The following MAP3K15 variants were observed in gnomAD, a reference collection of about 807,000 sequenced individuals.
MAP3K15 encodes mitogen-activated protein kinase kinase kinase 15, also known as MAPK/ERK kinase kinase 15.
A neutral mutation model predicts 99.5 loss-of-function variants in MAP3K15; 124 were observed. The observed-to-expected ratio is 1.25, with a 90% CI of 1.08 to 1.45. The LOEUF (loss-of-function observed/expected upper bound fraction) is 1.45. Among genes scored for constraint, MAP3K15 ranks in the 40% most tolerant of loss-of-function variants. The pLI, the probability that MAP3K15 is intolerant of heterozygous loss-of-function variation, is 0.00. For synonymous variants in MAP3K15, 494 were observed against 439.6 expected (o/e 1.12, Z -1.55); for missense variants, 1,242 against 1,079.7 (o/e 1.15, Z -2.11).
At chrX:19,493,754 G>A (rs1815804705) in intron 1 of MAP3K15, among the ~76,000 whole-genome samples, 1 of 111,093 alleles carries the variant, frequency 9.0e-6, no homozygotes, top group South Asian at 3.8e-4. Context: ...TCACTAAGCA[G>A]GTAGAAAAAT....
intron 10 of MAP3K15, 122 bp from the exon 11 acceptor site, chrX:19,413,586 C>T: frequency 3.3e-6 from 1 of 304,418 alleles, no homozygotes; most frequent in Non-Finnish European, 5.4e-6. Flanking sequence ...CACAGTGGCT[C>T]ACGCCTGTAA....
In MAP3K15 at chrX:19,369,107, G is replaced by C. The variant is rs377072968; in HGVS notation, c.3513C>G (p.Pro1171=). The C allele has an allele frequency of 2.2e-5, 26 of 1,208,234 alleles. No individual in the cohort carries two copies. In the African/African-American group the frequency reaches 4.4e-4, roughly 20 times the overall value. ...PATGPGQEAQ[P]HQQHLSLQLG... The stretch of plus-strand genomic sequence containing the variant: ...GCTGGAGGCTCAGGTGCTGCTGGTG[G>C]GGCTGGGCCTCCTGGCCAGGTCCGG... Residue 1171 remains proline, a synonymous_variant, in exon 25 of 29, where the codon CCC becomes CCG. Transcript: ENST00000338883.
intron 18 of MAP3K15, 97 bp from the exon 19 acceptor site, chrX:19,380,374 T>C: frequency 1.1e-6 from 1 of 935,421 alleles, no homozygotes; most frequent in Non-Finnish European, 1.5e-6. Flanking sequence ...GGCAGGAGGA[T>C]CACCTGAGCC....
At chrX:19,376,909 A>G (rs982283710) in intron 19 of MAP3K15, 2 of 111,668 alleles carry the variant, frequency 1.8e-5, no homozygotes, top group African/African-American at 6.5e-5. Context: ...AAGAAAAAAA[A>G]AAAGTCCAAA....
At chrX:19,480,254 CT>C (rs996534046) in intron 3 of MAP3K15, among the ~76,000 whole-genome samples, 18 of 110,304 alleles carry the variant, frequency 1.6e-4, no homozygotes, top group African/African-American at 5.6e-4. Context: ...TATTCAATGG[CT>C]TTTTTTTTCT....
rs1448580416 is a variant in MAP3K15, at chrX:19,420,963, C to A, written c.1439+4568G>T. On this transcript the variant is annotated intron_variant, in intron 9 of 28. Transcript: ENST00000338883. ...ATTATCTCAATAGATGCAGAAAAGG[C>A]CTTTGACAAAATTCAACAACGCTTC... 3.6e-5 allele frequency among the ~76,000 whole-genome samples: 4 copies of A among 111,064 alleles called. No individual in the cohort carries two copies. In the Admixed American group the frequency reaches 3.8e-4, roughly 11 times the overall value.
At position 19,362,769 on chromosome X, in the gene MAP3K15, C is replaced by G. The variant is rs201314812; in HGVS notation, c.3648G>C (p.Leu1216Phe). The change falls in exon 26 of 29, where the codon TTG becomes TTC. Residue 1216 changes from leucine to phenylalanine, a missense_variant. Coordinates refer to ENST00000338883, the MANE Select transcript of MAP3K15 (RefSeq NM_001001671.4). The part of the protein sequence containing the change: ...RQTLEQKTQE[L>F]YHLQLKLKSN... Reference sequence around the variant, plus strand: ...ATTTTAATTTTAACTGAAGGTGATACAATTCTTGAGTTTTCTGTTCTAGAG... The same window carrying G: ...ATTTTAATTTTAACTGAAGGTGATAGAATTCTTGAGTTTTCTGTTCTAGAG... 238 of 1,179,960 alleles carry G rather than the reference C, an allele frequency of 2.0e-4. 1 individual carries two copies. The South Asian group carries it at 4.0e-3, about 20-fold the overall frequency.
chrX:19,412,295 T>TA (rs1164155731), intron 11 of MAP3K15, among the ~76,000 whole-genome samples: 1 of 112,324 alleles, frequency 8.9e-6, no homozygotes, highest in Non-Finnish European at 1.9e-5. Context: ...AACAGGCATT[T>TA]GTTCAGGAGT....
Position 19,486,509 on chromosome X carries a change from A to G in MAP3K15, c.502-4T>C. On this transcript the variant is annotated splice_region_variant and splice_polypyrimidine_tract_variant and intron_variant, in intron 2 of 28. Coordinates refer to ENST00000338883, the MANE Select transcript of MAP3K15 (RefSeq NM_001001671.4). ...TGTTTTTTTGAGTTACCATGTCCTG[A>G]AAAGAAAAAGAAAAGATGAATATAG... The G allele has an allele frequency of 2.3e-6, 2 of 872,963 alleles. No homozygotes were observed. The highest frequency in any genetic ancestry group is 3.1e-6 in the Non-Finnish European group (2 of 646,564). 71.9% of individuals were successfully genotyped at this position (872,963 alleles called of 1,213,427 possible).
At chrX:19,471,322 T>C (rs1383584467) in intron 3 of MAP3K15, among the ~76,000 whole-genome samples, 1 of 109,862 alleles carries the variant, frequency 9.1e-6, no homozygotes, top group Non-Finnish European at 1.9e-5. Flanking sequence ...TGGAGTGCAA[T>C]GGCACGATCT....
chrX:19,368,962 T>C lies in MAP3K15; in HGVS notation c.3566+92A>G, dbSNP rs139817663. On this transcript the variant is annotated intron_variant, in intron 25 of 28. Transcript: ENST00000338883. ...GCTTTTTCCTAAGACCTGGGTGAGA[T>C]GGTCAACAATAAAGCCAATTAATCA... The C allele has an allele frequency of 5.7e-4, 537 of 947,106 alleles. 1 individual carries two copies. In the African/African-American group the frequency reaches 9.5e-3, roughly 17 times the overall value. The allele number at this position is 947,106 out of a possible 1,213,427, so 78.1% of individuals were successfully genotyped here.
At chrX:19,371,243 G>T in intron 23 of MAP3K15, 102 bp downstream of exon 23, 1 of 925,231 alleles carries the variant, frequency 1.1e-6, no homozygotes, top group Non-Finnish European at 1.5e-6. Context: ...TGAAGCTTGG[G>T]ATTCAGGTGT....
chrX:19,499,726 T>C (rs1483401961), intron 1 of MAP3K15, among the ~76,000 whole-genome samples: 1 of 111,816 alleles, frequency 8.9e-6, no homozygotes, highest in Non-Finnish European at 1.9e-5. Flanking sequence ...GATGAAGCTC[T>C]AGGAAAGGCA....
chrX:19,398,183 G>A (rs778789468), intron 15 of MAP3K15, 43 bp downstream of exon 15: 23 of 1,203,676 alleles, frequency 1.9e-5, no homozygotes, highest in Non-Finnish European at 2.5e-5. Context: ...GATCTGGGGT[G>A]TGGAGACGGC....
chrX:19,463,623 G>A (rs917343250), intron 4 of MAP3K15, among the ~76,000 whole-genome samples: 1 of 111,855 alleles, frequency 8.9e-6, no homozygotes, highest in African/African-American at 3.3e-5. Context: ...CTATTTCAGT[G>A]CTACACAGGT....
At chrX:19,442,477 C>A (rs1254107975) in intron 6 of MAP3K15, among the ~76,000 whole-genome samples, 1 of 109,264 alleles carries the variant, frequency 9.2e-6, no homozygotes, top group East Asian at 2.8e-4. Context: ...TAATACTATA[C>A]CACAGTTGAT....
intron 13 of MAP3K15, among the ~76,000 whole-genome samples, chrX:19,402,518 TA>T (rs1316558750): frequency 1.8e-5 from 2 of 111,483 alleles, no homozygotes; most frequent in Non-Finnish European, 3.8e-5. Flanking sequence ...AAGGCATATA[TA>T]AGAATGTTCA....
chrX:19,462,022 C>T (rs866902786), intron 4 of MAP3K15, among the ~76,000 whole-genome samples: 1 of 31,277 alleles, frequency 3.2e-5, no homozygotes, highest in Non-Finnish European at 8.6e-5. Flanking sequence ...CACACACACA[C>T]ACACACACAC....
chrX:19,374,772 C>T (rs1484641208), intron 19 of MAP3K15, 112 bp from the exon 20 acceptor site: 4 of 660,210 alleles, frequency 6.1e-6, no homozygotes, highest in Non-Finnish European at 9.1e-6. Flanking sequence ...CAGGCATAAT[C>T]CATGCCCCCT....
Sources: allele counts gnomAD v4.1 joint callset (sites outside exome capture counted in the v4.1 genomes callset), GRCh38; gene constraint gnomAD v4.1.1; transcripts MANE v1.5; gene names NCBI Gene and HGNC (gene_info 2026-07-23, HGNC 2026-07-21).